The following RRAS2 variants were observed in gnomAD, a reference collection of about 807,000 sequenced individuals.
RRAS2 encodes RAS related 2.
RRAS2 carries 7 observed loss-of-function variants against 27.6 expected under a neutral mutation model. The observed-to-expected ratio is 0.25, with a 90% CI of 0.14 to 0.48. RRAS2 has a LOEUF of 0.48. Among genes scored for constraint, RRAS2 ranks in the 20% least tolerant of loss-of-function variants. The pLI is 0.99. For synonymous variants in RRAS2, 86 were observed against 90.9 expected (o/e 0.95, Z 0.31); for missense variants, 178 against 256.2 (o/e 0.69, Z 2.08).
chr11:14,332,557 G>C (rs61884001), intron 1 of RRAS2, among the ~76,000 whole-genome samples: 1 of 152,128 alleles, frequency 6.6e-6, no homozygotes, highest in Non-Finnish European at 1.5e-5. Context: ...CAATATCATA[G>C]ATGAATGTCA....
chr11:14,344,840 C>T (rs1296842478), intron 1 of RRAS2, among the ~76,000 whole-genome samples: 3 of 152,130 alleles, frequency 2.0e-5, no homozygotes, highest in Non-Finnish European at 4.4e-5. Flanking sequence ...CGTGTATATG[C>T]CACACATGAT....
chr11:14,279,442 C>G lies in RRAS2; in HGVS notation c.528-18G>C. 1 of 1,565,208 alleles carries G rather than the reference C, an allele frequency of 6.4e-7. No homozygotes were observed. The highest frequency in any genetic ancestry group is 1.1e-5 in the South Asian group (1 of 89,870). ...GAAATTTCCTGTAAGATAAAAAATTCTAAAATATAATTGCCTTCTTGGTAA... is the reference window on the plus strand; with the variant it reads ...GAAATTTCCTGTAAGATAAAAAATTGTAAAATATAATTGCCTTCTTGGTAA... On this transcript the variant is annotated intron_variant, in intron 5 of 5. Transcript: ENST00000256196.
At chr11:14,352,184 T>A (rs1447838213) in intron 1 of RRAS2, among the ~76,000 whole-genome samples, 1 of 152,224 alleles carries the variant, frequency 6.6e-6, no homozygotes, top group Non-Finnish European at 1.5e-5. Context: ...AAAGAATCAT[T>A]GTATAAGGTG....
At chr11:14,345,869 A>T (rs1416851180) in intron 1 of RRAS2, among the ~76,000 whole-genome samples, 1 of 152,214 alleles carries the variant, frequency 6.6e-6, no homozygotes, top group Non-Finnish European at 1.5e-5. Flanking sequence ...TCAGTACCCC[A>T]AGGCAATTCT....
intron 1 of RRAS2, among the ~76,000 whole-genome samples, chr11:14,311,000 T>C (rs188975974): frequency 4.2e-4 from 64 of 152,356 alleles, no homozygotes; most frequent in African/African-American, 1.5e-3. Flanking sequence ...TCTGATACTT[T>C]TTTCAAAACT....
Position 14,303,908 on chromosome 11 carries a change from T to C in RRAS2, c.109-8053A>G, listed in dbSNP as rs542208633. 7.2e-5 allele frequency among the ~76,000 whole-genome samples: 11 copies of C among 152,192 alleles called. No homozygotes were observed. In the South Asian group the frequency reaches 2.3e-3, roughly 32 times the overall value. On this transcript the variant is annotated intron_variant, in intron 1 of 5. Transcript: ENST00000256196. ...TTTCATGAGGGCCCTCCATACTCAA[T>C]TCCCAGAACTTAAGTGAGACCTGGC...
At chr11:14,332,033 G>A (rs918399552) in intron 1 of RRAS2, among the ~76,000 whole-genome samples, 9 of 152,120 alleles carry the variant, frequency 5.9e-5, no homozygotes, top group Admixed American at 2.6e-4. Flanking sequence ...ACCCAGTATC[G>A]GTAAAGACCC....
chr11:14,303,848 G>A (rs1847770162), intron 1 of RRAS2, among the ~76,000 whole-genome samples: 1 of 152,062 alleles, frequency 6.6e-6, no homozygotes, highest in Admixed American at 6.6e-5. Context: ...GTGTCAAAAG[G>A]CCACACCAAT....
Position 14,358,963 on chromosome 11 carries a change from C to G in RRAS2, c.-93G>C. 1 of 1,157,244 alleles carries G rather than the reference C, an allele frequency of 8.6e-7. No individual in the cohort carries two copies. The highest frequency in any genetic ancestry group is 4.2e-5 in the East Asian group (1 of 24,054). 71.7% of individuals were successfully genotyped at this position (1,157,244 alleles called of 1,614,324 possible). The stretch of plus-strand genomic sequence containing the variant: ...GGGGACGTGTGCGGCCGGCGGGCTG[C>G]GGGCGAGCGGCCGGGCTGGGGTCCC... On this transcript the variant is annotated 5_prime_UTR_variant, in exon 1 of 6. Coordinates refer to ENST00000256196, the MANE Select transcript of RRAS2 (RefSeq NM_012250.6). The surrounding 1 kb of genome is among the most constrained non-coding windows in gnomAD (Gnocchi z 5.1).
At chr11:14,295,695 A>G (rs1591450170) in intron 2 of RRAS2, 73 bp downstream of exon 2, 1 of 1,129,744 alleles carries the variant, frequency 8.9e-7, no homozygotes, top group Non-Finnish European at 1.3e-6. Flanking sequence ...ATTATTTAAC[A>G]TAGCAAAACA....
intron 1 of RRAS2, among the ~76,000 whole-genome samples, chr11:14,353,993 A>C (rs920903848): frequency 3.3e-5 from 5 of 152,248 alleles, no homozygotes; most frequent in Non-Finnish European, 7.3e-5. Context: ...ATAATAGATA[A>C]AAGTTAACAG....
chr11:14,343,839 TAAATA>T (rs1244025971), intron 1 of RRAS2, among the ~76,000 whole-genome samples: 4 of 150,038 alleles, frequency 2.7e-5, no homozygotes, highest in East Asian at 2.0e-4. Context: ...GTCTCAAAAA[TAAATA>T]AAATAAAATA....
At chr11:14,327,060 C>CAA (rs201334157) in intron 1 of RRAS2, among the ~76,000 whole-genome samples, 5 of 39,774 alleles carry the variant, frequency 1.3e-4, no homozygotes, top group Non-Finnish European at 2.0e-4. Context: ...GACTCTGTCT[C>CAA]AAAAAAAAAA....
chr11:14,344,578 G>C (rs1848788968), intron 1 of RRAS2, among the ~76,000 whole-genome samples: 1 of 152,158 alleles, frequency 6.6e-6, no homozygotes, highest in African/African-American at 2.4e-5. Flanking sequence ...TACCTGCTTA[G>C]CTTTCCTTTC....
chr11:14,328,070 A>G (rs1215928392), intron 1 of RRAS2, among the ~76,000 whole-genome samples: 3 of 152,212 alleles, frequency 2.0e-5, no homozygotes, highest in African/African-American at 7.2e-5. Context: ...GGCTAACAGT[A>G]AAGAGTGAGA....
chr11:14,314,046 CTA>C (rs1848038165), intron 1 of RRAS2, among the ~76,000 whole-genome samples: 1 of 152,140 alleles, frequency 6.6e-6, no homozygotes, highest in South Asian at 2.1e-4. Flanking sequence ...TTAGAAAAAA[CTA>C]TAAAATTCAC....
intron 1 of RRAS2, among the ~76,000 whole-genome samples, chr11:14,304,271 C>T (rs1383556108): frequency 2.0e-5 from 3 of 152,206 alleles, no homozygotes; most frequent in African/African-American, 7.2e-5. Context: ...GGAGAAGCAT[C>T]TTTCTCCTCT....
chr11:14,354,092 G>A (rs1238439605), intron 1 of RRAS2, among the ~76,000 whole-genome samples: 1 of 152,140 alleles, frequency 6.6e-6, no homozygotes, highest in Non-Finnish European at 1.5e-5. Context: ...CTTCACATGT[G>A]GATCAATTAA....
chr11:14,313,662 G>A (rs1848030523), intron 1 of RRAS2, among the ~76,000 whole-genome samples: 1 of 152,172 alleles, frequency 6.6e-6, no homozygotes, highest in Non-Finnish European at 1.5e-5. Flanking sequence ...GCCACATGAA[G>A]GCAGAGGCAG....
Sources: gnomAD v4.1 joint callset for allele counts (sites outside exome capture counted in the v4.1 genomes callset) on GRCh38, gnomAD v4.1.1 for gene constraint, Gnocchi (gnomAD v3.1) non-coding constraint, MANE v1.5 for transcripts, NCBI Gene and HGNC (gene_info 2026-07-23, HGNC 2026-07-21) for gene names.